Variants in TENM2 observed in about 807,000 individuals in gnomAD.
TENM2 encodes the protein teneurin transmembrane protein 2.
TENM2 carries 52 observed loss-of-function variants against 245.2 expected under a neutral mutation model. The observed-to-expected ratio is 0.21, with a 90% CI of 0.17 to 0.27. The LOEUF (loss-of-function observed/expected upper bound fraction) is 0.27. TENM2 is among the 10% of genes least tolerant of loss of function. The pLI is 1.00. For missense variants in TENM2, 3,046 were observed against 3,666.8 expected (o/e 0.83, Z 4.37); for synonymous variants, 1,363 against 1,438.9 (o/e 0.95, Z 1.19).
chr5:168,064,986 G>A (rs1184139189), intron 7 of TENM2, among the ~76,000 whole-genome samples: 2 of 152,148 alleles, frequency 1.3e-5, no homozygotes, highest in South Asian at 4.1e-4. Context: ...AGCTCTTTGC[G>A]GGGATAGGCG....
At chr5:167,177,714 A>T in the TENM2 span, among the ~76,000 whole-genome samples, 1 of 152,196 alleles carries the variant, frequency 6.6e-6, no homozygotes, top group African/African-American at 2.4e-5. Context: ...AAAGCAGTTG[A>T]CATGTGGCCT....
At chr5:167,163,644 G>A in the TENM2 span, among the ~76,000 whole-genome samples, 1 of 152,108 alleles carries the variant, frequency 6.6e-6, no homozygotes, top group Non-Finnish European at 1.5e-5. Context: ...CTTTAAATCA[G>A]CTCTTCCATG....
At chr5:168,199,048 C>A (rs747033111) in exon 16 of TENM2, 1 of 1,613,962 alleles carries the variant, frequency 6.2e-7, no homozygotes, top group South Asian at 1.1e-5. Flanking sequence ...CAATCATCAT[C>A]TCCTCCCCAC....
At chr5:167,042,380 C>T in the TENM2 span, among the ~76,000 whole-genome samples, 1 of 152,186 alleles carries the variant, frequency 6.6e-6, no homozygotes, top group African/African-American at 2.4e-5. Flanking sequence ...TTTGATCACA[C>T]AGCTGTGTAC....
intron 5 of TENM2, among the ~76,000 whole-genome samples, chr5:168,041,407 C>A (rs1306156175): frequency 2.0e-5 from 3 of 152,176 alleles, no homozygotes; most frequent in Admixed American, 6.5e-5. Flanking sequence ...GCAACTACTC[C>A]TTCACCCTGC....
intron 22 of TENM2, among the ~76,000 whole-genome samples, chr5:168,217,656 C>G (rs150824440): frequency 1.1e-4 from 16 of 152,346 alleles, no homozygotes; most frequent in African/African-American, 3.4e-4. Flanking sequence ...CACTTTGGCT[C>G]CCCTTGGATC....
chr5:168,181,782 T>C (rs1184959209), intron 13 of TENM2, among the ~76,000 whole-genome samples: 1 of 150,436 alleles, frequency 6.6e-6, no homozygotes, highest in Non-Finnish European at 1.5e-5. Flanking sequence ...GTTCAAGCGA[T>C]TCTTCTGCCT....
the TENM2 span, among the ~76,000 whole-genome samples, chr5:167,265,606 T>C: frequency 6.6e-6 from 1 of 152,156 alleles, no homozygotes; most frequent in Non-Finnish European, 1.5e-5. Flanking sequence ...ATAACCATTG[T>C]ACACAGGCCT....
At chr5:167,449,929 G>T (rs2127473119) in intron 2 of TENM2, among the ~76,000 whole-genome samples, 1 of 152,294 alleles carries the variant, frequency 6.6e-6, no homozygotes, top group Non-Finnish European at 1.5e-5. Context: ...TTGCACTCCA[G>T]CCTGGGCAAC....
At chr5:167,326,866 G>A (rs1321447085) in intron 1 of TENM2, among the ~76,000 whole-genome samples, 1 of 151,662 alleles carries the variant, frequency 6.6e-6, no homozygotes, top group Non-Finnish European at 1.5e-5. Flanking sequence ...CAATACTGAT[G>A]AAGAAATAGT....
intron 2 of TENM2, among the ~76,000 whole-genome samples, chr5:167,737,107 T>C (rs759724571): frequency 1.3e-5 from 2 of 152,216 alleles, no homozygotes; most frequent in Non-Finnish European, 2.9e-5. Context: ...CTCCCGATCA[T>C]GTCCTATTTT....
rs1316932561 is a variant in TENM2, at chr5:167,700,260, A to G, written c.503-175726A>G. 2.6e-5 allele frequency among the ~76,000 whole-genome samples: 4 copies of G among 152,218 alleles called. No homozygotes were observed. In the East Asian group the frequency reaches 5.8e-4, roughly 22 times the overall value. ...GTCCTTTAAGAATTTAAATGTGAAG[A>G]TAGAGGTCATACATGATATACATTA... On this transcript the variant is annotated intron_variant, in intron 2 of 28. Transcript: ENST00000518659.
At chr5:167,352,207 A>G (rs1475174161) in intron 1 of TENM2, among the ~76,000 whole-genome samples, 3 of 152,136 alleles carry the variant, frequency 2.0e-5, no homozygotes, top group Admixed American at 1.3e-4. Context: ...GCTGAATAGC[A>G]GCTGCTTTTC....
At chr5:167,950,018 A>G (rs1779955912) in intron 3 of TENM2, among the ~76,000 whole-genome samples, 1 of 152,126 alleles carries the variant, frequency 6.6e-6, no homozygotes, top group South Asian at 2.1e-4. Flanking sequence ...GCAATGAAAT[A>G]TCATCTTGCT....
At chr5:168,185,383 C>A (rs183905952) in intron 13 of TENM2, among the ~76,000 whole-genome samples, 1 of 152,130 alleles carries the variant, frequency 6.6e-6, no homozygotes, top group African/African-American at 2.4e-5. Flanking sequence ...ATTCATTATA[C>A]GACACTGCTC....
chr5:167,437,164 G>A (rs1427869485), intron 2 of TENM2, among the ~76,000 whole-genome samples: 1 of 152,156 alleles, frequency 6.6e-6, no homozygotes, highest in Non-Finnish European at 1.5e-5. Context: ...AGCCAGGAGG[G>A]GGGCTATACC....
At chr5:167,104,875 T>C in the TENM2 span, among the ~76,000 whole-genome samples, 1 of 152,312 alleles carries the variant, frequency 6.6e-6, no homozygotes, top group Non-Finnish European at 1.5e-5. Context: ...AATAGGGTAT[T>C]TGACAACATG....
intron 2 of TENM2, among the ~76,000 whole-genome samples, chr5:167,805,308 T>C (rs112841190): frequency 0.048 from 7,274 of 152,226 alleles, 563 homozygotes; most frequent in African/African-American, 0.16. Context: ...TCATGGGGGA[T>C]ACTTATTAAA....
chr5:167,469,706 T>C (rs1766891144), intron 2 of TENM2, among the ~76,000 whole-genome samples: 1 of 152,122 alleles, frequency 6.6e-6, no homozygotes, highest in Admixed American at 6.5e-5. Flanking sequence ...TTATAATCCA[T>C]TTTTATTAGC....
Sources: allele counts gnomAD v4.1 joint callset (sites outside exome capture counted in the v4.1 genomes callset), GRCh38; gene constraint gnomAD v4.1.1; transcripts MANE v1.5; gene names NCBI Gene and HGNC (gene_info 2026-07-23, HGNC 2026-07-21).